Variants in SLC36A3 observed in about 807,000 individuals in gnomAD.
SLC36A3 encodes solute carrier family 36 member 3, also known as proton-coupled amino acid transporter 3.
SLC36A3 carries 35 observed loss-of-function variants against 44.3 expected under a neutral mutation model. The ratio of observed to expected loss-of-function variants is 0.79; its 90% CI spans 0.60 to 1.05. The LOEUF (loss-of-function observed/expected upper bound fraction) is 1.05, where lower values mean the gene tolerates loss of function less well. Ranked by LOEUF, SLC36A3 falls within the 50% of genes least tolerant of loss-of-function variation. SLC36A3 has a pLI of 0.00. For synonymous variants in SLC36A3, 211 were observed against 227.6 expected (o/e 0.93, Z 0.66); for missense variants, 540 against 578.7 (o/e 0.93, Z 0.69).
chr5:151,287,923 C>T (rs1229563594), intron 5 of SLC36A3, among the ~76,000 whole-genome samples: 1 of 152,188 alleles, frequency 6.6e-6, no homozygotes, highest in Non-Finnish European at 1.5e-5. Context: ...TGTCACAGTT[C>T]TTTCTGGCTG....
Position 151,280,923 on chromosome 5 carries a change from G to T in SLC36A3, c.1144+91C>A, listed in dbSNP as rs994988785. ...ATATCCCACCCTAGGTCACAAAGAAGGCAAGTGGCAGATCCAATGATGGTG... is the reference window on the plus strand; with the variant it reads ...ATATCCCACCCTAGGTCACAAAGAATGCAAGTGGCAGATCCAATGATGGTG... On this transcript the variant is annotated intron_variant, in intron 9 of 9. Coordinates refer to ENST00000335230, the MANE Select transcript of SLC36A3 (RefSeq NM_181774.4). 8 of 1,508,948 alleles carry T rather than the reference G, an allele frequency of 5.3e-6. No individual in the cohort carries two copies. In the African/African-American group the frequency reaches 6.9e-5, roughly 13 times the overall value. The allele number at this position is 1,508,948 out of a possible 1,614,324, so 93.5% of individuals were successfully genotyped here. A position where few individuals can be genotyped will look rare whatever the true frequency, so the allele number is the denominator to read the frequency against.
chr5:151,285,418 C>G (rs990316947), intron 6 of SLC36A3, among the ~76,000 whole-genome samples: 2 of 152,178 alleles, frequency 1.3e-5, no homozygotes, highest in African/African-American at 4.8e-5. Context: ...AGTGGCACAG[C>G]CCAGATAAGA....
Position 151,288,387 on chromosome 5 carries a change from TG to T in SLC36A3, c.487del (p.Gln163ArgfsTer8). ...TCTGCCCAGAAGAGGGCTCTTTACC[TG>T]TTGTAAATTGTCTGCCATAAACATA... Reference protein sequence around the residue: ...YFMFMADNLQQMVEKAHVTSN... With the variant: ...YFMFMADNLQXMVEKAHVTSN... On this transcript the variant is annotated frameshift_variant and splice_region_variant, in exon 5 of 10. Coordinates refer to ENST00000335230, the MANE Select transcript of SLC36A3 (RefSeq NM_181774.4). LOFTEE classifies it high-confidence loss of function. The T allele has an allele frequency of 1.9e-6, 3 of 1,597,174 alleles. No homozygotes were observed. In the Middle Eastern group the frequency reaches 5.0e-4, roughly 266 times the overall value.
At chr5:151,281,332 T>C in intron 8 of SLC36A3, 149 bp from the exon 9 acceptor site, 1 of 715,292 alleles carries the variant, frequency 1.4e-6, no homozygotes, top group East Asian at 2.8e-5. Flanking sequence ...ACACTTCTGG[T>C]CCCAAGCATT....
At chr5:151,284,448 A>G (rs999230051) in intron 7 of SLC36A3, among the ~76,000 whole-genome samples, 165 bp downstream of exon 7, 2 of 152,200 alleles carry the variant, frequency 1.3e-5, no homozygotes, top group Non-Finnish European at 2.9e-5. Context: ...AGCGTGGTAT[A>G]TTAGAGCAGT....
At chr5:151,293,156 A>T (rs1215122577) in intron 4 of SLC36A3, among the ~76,000 whole-genome samples, 2 of 152,234 alleles carry the variant, frequency 1.3e-5, no homozygotes, top group Non-Finnish European at 2.9e-5. Context: ...GTAGAGAAAA[A>T]AAGTCTAAAG....
intron 1 of SLC36A3, 70 bp from the exon 2 acceptor site, chr5:151,298,753 TC>T (rs1755047617): frequency 1.3e-6 from 2 of 1,515,278 alleles, no homozygotes; most frequent in Admixed American, 3.4e-5. Flanking sequence ...AAACTCAGCC[TC>T]CTTCTGGCAT....
In SLC36A3 at chr5:151,291,759, A is replaced by G. The variant is rs185268478; in HGVS notation, c.404+1605T>C. Among the ~76,000 whole-genome samples, 249 of 152,332 alleles carry G rather than the reference A, an allele frequency of 1.6e-3. 1 individual carries two copies. The highest frequency in any genetic ancestry group is 1.2e-3 in the South Asian group (6 of 4,830). On this transcript the variant is annotated intron_variant, in intron 4 of 9. Coordinates refer to ENST00000335230, the MANE Select transcript of SLC36A3 (RefSeq NM_181774.4). ...AGATGAGTACATGGGGTCAGGTAGC[A>G]TCAGTGCATTCTCCCTTTATAAAGC...
intron 9 of SLC36A3, among the ~76,000 whole-genome samples, chr5:151,280,639 G>T (rs953776625): frequency 1.3e-5 from 2 of 152,198 alleles, no homozygotes; most frequent in Admixed American, 6.5e-5. Context: ...CACTTAGTGT[G>T]TATGACTCAG....
chr5:151,281,562 A>G (rs1322327230), intron 8 of SLC36A3, among the ~76,000 whole-genome samples: 1 of 152,190 alleles, frequency 6.6e-6, no homozygotes, highest in Non-Finnish European at 1.5e-5. Context: ...TCACGCTTGT[A>G]ATCGCAGCAG....
intron 3 of SLC36A3, among the ~76,000 whole-genome samples, chr5:151,294,752 C>T (rs957020820): frequency 6.6e-6 from 1 of 151,948 alleles, no homozygotes; most frequent in Non-Finnish European, 1.5e-5. Flanking sequence ...GCCTCAGCCT[C>T]CCGAGTAGCT....
At chr5:151,284,281 C>T in intron 7 of SLC36A3, 71 bp from the exon 8 acceptor site, 1 of 1,439,262 alleles carries the variant, frequency 6.9e-7, no homozygotes, top group Non-Finnish European at 9.4e-7. Flanking sequence ...GGAGAGGGTT[C>T]CCGTACAAGC....
At position 151,277,291 on chromosome 5, in the gene SLC36A3, T is replaced by C. The variant is rs1012877251; in HGVS notation, c.*102A>G. The C allele has an allele frequency of 1.3e-5, 18 of 1,433,118 alleles. No homozygotes were observed. The highest frequency in any genetic ancestry group is 1.5e-5 in the Non-Finnish European group (16 of 1,049,170). 88.8% of individuals were successfully genotyped at this position (1,433,118 alleles called of 1,614,324 possible). A position where few individuals can be genotyped will look rare whatever the true frequency, so the allele number is the denominator to read the frequency against. On this transcript the variant is annotated 3_prime_UTR_variant, in exon 10 of 10. Transcript: ENST00000335230. ...CTTGGAAAGATAAAGACGCCACTAA[T>C]TAATATAGAGATGTTGGGATTTGAT... is the stretch of plus-strand genomic sequence containing the variant.
intron 1 of SLC36A3, among the ~76,000 whole-genome samples, chr5:151,299,326 G>A (rs970436646): frequency 5.6e-5 from 8 of 142,072 alleles, no homozygotes; most frequent in African/African-American, 2.1e-4. Flanking sequence ...GGAGTGGGGA[G>A]GACTGTGGGG....
intron 9 of SLC36A3, among the ~76,000 whole-genome samples, chr5:151,279,029 A>G (rs1240494861): frequency 1.3e-5 from 2 of 152,068 alleles, no homozygotes; most frequent in Non-Finnish European, 1.5e-5. Context: ...CAAAGCTCTG[A>G]CCTCATCTCT....
At chr5:151,298,740 C>G in intron 1 of SLC36A3, 57 bp from the exon 2 acceptor site, 2 of 1,569,278 alleles carry the variant, frequency 1.3e-6, no homozygotes, top group Non-Finnish European at 1.8e-6. Flanking sequence ...GAAGCATGGC[C>G]AGAAACTCAG....
At chr5:151,282,839 G>T (rs1402109204) in intron 8 of SLC36A3, among the ~76,000 whole-genome samples, 1 of 150,632 alleles carries the variant, frequency 6.6e-6, no homozygotes, top group East Asian at 1.9e-4. Context: ...CTTTGCCCTT[G>T]TATTTATTTT....
chr5:151,281,064 CA>C lies in SLC36A3; in HGVS notation c.1093del (p.Trp365GlyfsTer5). The C allele has an allele frequency of 1.9e-6, 3 of 1,614,166 alleles. No individual in the cohort carries two copies. The highest frequency in any genetic ancestry group is 2.5e-6 in the Non-Finnish European group (3 of 1,180,022). ...GACAGACAGGTCTACAAACAGTGCC[CA>C]GCTCTCTGACACTTGGGAGATGGCA... ...PFAISQVSES[W>X]ALFVDLSVRS... is the part of the protein sequence containing the mutation. On this transcript the variant is annotated frameshift_variant, in exon 9 of 10. Coordinates refer to ENST00000335230, the MANE Select transcript of SLC36A3 (RefSeq NM_181774.4). LOFTEE classifies it high-confidence loss of function.
At chr5:151,303,205 G>C in intron 1 of SLC36A3, 22 bp downstream of exon 1, 1 of 1,603,874 alleles carries the variant, frequency 6.2e-7, no homozygotes, top group Non-Finnish European at 8.5e-7. Context: ...CTCAGGCCTG[G>C]AAGGGCGGTG....
Sources: allele counts gnomAD v4.1 joint callset (sites outside exome capture counted in the v4.1 genomes callset), GRCh38; gene constraint gnomAD v4.1.1; transcripts MANE v1.5; gene names NCBI Gene and HGNC (gene_info 2026-07-23, HGNC 2026-07-21).